MRPL19: variants seen among roughly 807,000 people sequenced by gnomAD.
MRPL19 encodes the protein mitochondrial ribosomal protein L19.
MRPL19 carries 31 observed loss-of-function variants against 34.0 expected under a neutral mutation model. The ratio of observed to expected loss-of-function variants is 0.91; its 90% CI spans 0.68 to 1.23. MRPL19 has a LOEUF of 1.23. Ranked by LOEUF, MRPL19 falls within the 50% of genes most tolerant of loss-of-function variation. The pLI is 0.00. For synonymous variants in MRPL19, 152 were observed against 127.7 expected, an observed-to-expected ratio of 1.19 and a Z score of -1.28; for missense variants, 384 against 367.6, an observed-to-expected ratio of 1.04 and a Z score of -0.37.
At chr2:75,650,343 A>G (rs1461898665) in intron 2 of MRPL19, among the ~76,000 whole-genome samples, 2 of 152,194 alleles carry the variant, frequency 1.3e-5, no homozygotes, top group African/African-American at 2.4e-5. Context: ...GACTTACACA[A>G]TTTTCACATA....
At position 75,657,622 on chromosome 2, in the gene MRPL19, T is replaced by C. The variant is rs570032980; in HGVS notation, c.*2337T>C. On this transcript the variant is annotated 3_prime_UTR_variant, in exon 6 of 6. Transcript: ENST00000393909. ...TTGTTAGAAGATAGCTATTAAAACCTGTTCTTTTTCTGTCTTGATAAACAC... is the reference window on the plus strand; with the variant it reads ...TTGTTAGAAGATAGCTATTAAAACCCGTTCTTTTTCTGTCTTGATAAACAC... 6.6e-6 allele frequency: 1 copy of C among 152,294 alleles called. No homozygotes were observed. Among genetic ancestry groups the C allele is most frequent in the East Asian group, 1.9e-4 (1 of 5,178 alleles). 9.4% of individuals were successfully genotyped at this position (152,294 alleles called of 1,614,324 possible). A position where few individuals can be genotyped will look rare whatever the true frequency, so the allele number is the denominator to read the frequency against.
In MRPL19 at chr2:75,657,671, G is replaced by A. The variant is rs1336162876; in HGVS notation, c.*2386G>A. 6.6e-6 allele frequency: 1 copy of A among 152,098 alleles called. No individual in the cohort carries two copies. The highest frequency in any genetic ancestry group is 1.9e-4 in the East Asian group (1 of 5,186). The allele number at this position is 152,098 out of a possible 1,614,324, so 9.4% of individuals were successfully genotyped here. On this transcript the variant is annotated 3_prime_UTR_variant, in exon 6 of 6. Coordinates refer to ENST00000393909, the MANE Select transcript of MRPL19 (RefSeq NM_014763.4). ...ACACTTCAATCTTGGTAGAATGGTA[G>A]ATGGGACAGTATATTTTAGGACCTA... is the stretch of plus-strand genomic sequence containing the variant.
Position 75,655,273 on chromosome 2 carries a change from G to T in MRPL19, c.867G>T (p.Ser289=), listed in dbSNP as rs17689863. The T allele has an allele frequency of 1.9e-6, 3 of 1,611,608 alleles. No homozygotes were observed. The African/African-American group carries it at 4.0e-5, about 22-fold the overall frequency. The change falls in exon 6 of 6, where the codon TCG becomes TCT. Residue 289 remains serine, a synonymous_variant. Coordinates refer to ENST00000393909, the MANE Select transcript of MRPL19 (RefSeq NM_014763.4). ...CAATATGGAAGGAAATTGAAGCGTC[G>T]AAAAGGTCTTGATTCTGAGAATGAA... ...EAAIWKEIEA[S]KRS
Position 75,654,880 on chromosome 2 carries a change from T to G in MRPL19, c.620T>G (p.Val207Gly). The change falls in exon 5 of 6, where the codon GTA becomes GGA. Residue 207 changes from valine (V) to glycine (G), a missense_variant. Coordinates refer to ENST00000393909, the MANE Select transcript of MRPL19 (RefSeq NM_014763.4). ...YSTFDVNMKPVVQEPNQKVPV... is the reference protein window; with the variant it reads ...YSTFDVNMKPGVQEPNQKVPV... ...ACTTTTGATGTGAATATGAAGCCAG[T>G]AGTACAAGAGCCTAACCAAAAAGTT... 6.2e-7 allele frequency: 1 copy of G among 1,613,744 alleles called. No homozygotes were observed. The highest frequency in any genetic ancestry group is 2.2e-5 in the East Asian group (1 of 44,852).
rs1363782196 is a variant in MRPL19, at chr2:75,656,880, C to A, written c.*1595C>A. 6.6e-6 allele frequency: 1 copy of A among 152,064 alleles called. No homozygotes were observed. Among genetic ancestry groups the A allele is most frequent in the Non-Finnish European group, 1.5e-5 (1 of 68,004 alleles). 9.4% of individuals were successfully genotyped at this position (152,064 alleles called of 1,614,324 possible). A position where few individuals can be genotyped will look rare whatever the true frequency, so the allele number is the denominator to read the frequency against. On this transcript the variant is annotated 3_prime_UTR_variant, in exon 6 of 6. Transcript: ENST00000393909. ...CAACTATTATTTGGATGTTGGATAT[C>A]CAGCACTGGGTATCTATTTTCTTAC...
chr2:75,660,688 C>T lies in MRPL19; in HGVS notation c.*5403C>T, dbSNP rs1395670881. 1.3e-5 allele frequency: 2 copies of T among 152,164 alleles called. No homozygotes were observed. The highest frequency in any genetic ancestry group is 4.8e-5 in the African/African-American group (2 of 41,428). The allele number at this position is 152,164 out of a possible 1,614,324, so 9.4% of individuals were successfully genotyped here. On this transcript the variant is annotated 3_prime_UTR_variant, in exon 6 of 6. Transcript: ENST00000393909. ...TTAAAACTAGCAGAAAAATCTCTCT[C>T]CCAGTCTTTCCAGTCTTTGTAGATT...
chr2:75,654,486 T>G (rs1678394953), intron 4 of MRPL19, among the ~76,000 whole-genome samples: 1 of 152,316 alleles, frequency 6.6e-6, no homozygotes, highest in South Asian at 2.1e-4. Flanking sequence ...ACTCAACATA[T>G]TTCTAGAAGC....
Position 75,656,450 on chromosome 2 carries a change from G to C in MRPL19, c.*1165G>C, listed in dbSNP as rs1283689015. On this transcript the variant is annotated 3_prime_UTR_variant, in exon 6 of 6. Transcript: ENST00000393909. ...ACTAACTTCTTTCCTGCGCTCAGCT[G>C]TTTTCTGGATTCCATGTTTTCCATT... 1 of 152,040 alleles carries C rather than the reference G, an allele frequency of 6.6e-6. No individual in the cohort carries two copies. The highest frequency in any genetic ancestry group is 2.4e-5 in the African/African-American group (1 of 41,398). The allele number at this position is 152,040 out of a possible 1,614,324, so 9.4% of individuals were successfully genotyped here.
chr2:75,659,751 G>A lies in MRPL19; in HGVS notation c.*4466G>A, dbSNP rs113022538. On this transcript the variant is annotated 3_prime_UTR_variant, in exon 6 of 6. Transcript: ENST00000393909. The stretch of plus-strand genomic sequence containing the variant: ...AGATATTAGATGTTATAAAATTTGA[G>A]GATTCCTCATTCTTGATGAGTCAGT... 3.4e-3 allele frequency among the ~76,000 whole-genome samples: 517 copies of A among 152,226 alleles called. 5 individuals are homozygous for A. Among genetic ancestry groups the A allele is most frequent in the African/African-American group, 0.012 (485 of 41,542 alleles).
At position 75,648,345 on chromosome 2, in the gene MRPL19, C is replaced by T. The variant is rs975600562; in HGVS notation, c.221+1126C>T. Among the ~76,000 whole-genome samples, 44 of 152,044 alleles carry T rather than the reference C, an allele frequency of 2.9e-4. 1 individual carries two copies. Among genetic ancestry groups the T allele is most frequent in the Admixed American group, 8.5e-4 (13 of 15,274 alleles). On this transcript the variant is annotated intron_variant, in intron 2 of 5. Coordinates refer to ENST00000393909, the MANE Select transcript of MRPL19 (RefSeq NM_014763.4). ...ACGTGTATGTACAAGGAGACAAGCA[C>T]GAGAATGAATGTAACAGTATTTTTT... is the stretch of plus-strand genomic sequence containing the variant.
Position 75,647,365 on chromosome 2 carries a change from C to T in MRPL19, c.221+146C>T, listed in dbSNP as rs550572160. 10 of 705,244 alleles carry T rather than the reference C, an allele frequency of 1.4e-5. No individual in the cohort carries two copies. The Admixed American group carries it at 2.6e-4, about 18-fold the overall frequency. The allele number at this position is 705,244 out of a possible 1,614,324, so 43.7% of individuals were successfully genotyped here. On this transcript the variant is annotated intron_variant, in intron 2 of 5. Transcript: ENST00000393909. ...AGGATTCAAGAGCCAGCGCACCACA[C>T]TGTTCTTTCTTTCTCACTTCTCCCC...
chr2:75,648,997 A>G (rs542467182), intron 2 of MRPL19, among the ~76,000 whole-genome samples: 84 of 152,370 alleles, frequency 5.5e-4, no homozygotes, highest in Non-Finnish European at 9.8e-4. Flanking sequence ...TAACTTTACC[A>G]GTATTGGTAC....
chr2:75,652,096 C>A, intron 2 of MRPL19, 46 bp from the exon 3 acceptor site: 2 of 1,141,722 alleles, frequency 1.8e-6, no homozygotes, highest in Non-Finnish European at 2.5e-6. Context: ...TTTCTTCTAG[C>A]AGCCTTTTGA....
intron 2 of MRPL19, among the ~76,000 whole-genome samples, chr2:75,649,815 G>A (rs1678295529): frequency 6.6e-6 from 1 of 151,914 alleles, no homozygotes; most frequent in Non-Finnish European, 1.5e-5. Flanking sequence ...TTTTTTTGTT[G>A]TAGAATGAGG....
At position 75,650,678 on chromosome 2, in the gene MRPL19, G is replaced by A. The variant is rs571827756; in HGVS notation, c.222-1464G>A. Among the ~76,000 whole-genome samples the A allele has an allele frequency of 1.5e-4, 23 of 152,246 alleles. No homozygotes were observed. The South Asian group carries it at 4.4e-3, about 29-fold the overall frequency. On this transcript the variant is annotated intron_variant, in intron 2 of 5. Transcript: ENST00000393909. ...CAAGGGTCTCCAGTTAGGAGAATGT[G>A]AAATGCAGGGATGTGAGACTGGCCT... is the stretch of plus-strand genomic sequence containing the variant.
chr2:75,651,937 G>C, intron 2 of MRPL19: 1 of 385,332 alleles, frequency 2.6e-6, no homozygotes, highest in Non-Finnish European at 4.7e-6. Flanking sequence ...GTTTCATAAA[G>C]CTTTTAACAA....
At position 75,646,889 on chromosome 2, in the gene MRPL19, C is replaced by A. The variant is rs11552948; in HGVS notation, c.82C>A (p.Pro28Thr). 1.3e-4 allele frequency: 207 copies of A among 1,594,376 alleles called. No homozygotes were observed. The highest frequency in any genetic ancestry group is 4.5e-4 in the Admixed American group (26 of 57,232). The change falls in exon 1 of 6, where the codon CCG becomes ACG. Residue 28 changes from proline to threonine, a missense_variant. By Grantham distance (38) the Pro-to-Thr change is conservative (BLOSUM62 -1). Transcript: ENST00000393909. ...SFQAARTLLP[P>T]PASIACRVHA... ...CCAAGCCGCCAGGACTCTGCTCCCCCCGCCGGCCTCTATCGCCTGCAGTAA... is the reference window on the plus strand; with the variant it reads ...CCAAGCCGCCAGGACTCTGCTCCCCACGCCGGCCTCTATCGCCTGCAGTAA...
intron 4 of MRPL19, 28 bp from the exon 5 acceptor site, chr2:75,654,708 G>C (rs1205772143): frequency 6.2e-7 from 1 of 1,606,250 alleles, no homozygotes. Context: ...GACTTAGATT[G>C]TAAGAATATG....
In MRPL19 at chr2:75,659,825, T is replaced by C. The variant is rs529611775; in HGVS notation, c.*4540T>C. Among the ~76,000 whole-genome samples, 2 of 152,280 alleles carry C rather than the reference T, an allele frequency of 1.3e-5. No homozygotes were observed. The highest frequency in any genetic ancestry group is 4.8e-5 in the African/African-American group (2 of 41,568). On this transcript the variant is annotated 3_prime_UTR_variant, in exon 6 of 6. Transcript: ENST00000393909. ...TGCTCAGCTTTTGTCTTTTGACAGT[T>C]TGATTATAACGCGGCTCAGTGTGGG...
Sources: gnomAD v4.1 joint callset for allele counts (sites outside exome capture counted in the v4.1 genomes callset) on GRCh38, gnomAD v4.1.1 for gene constraint, MANE v1.5 for transcripts, NCBI Gene and HGNC (gene_info 2026-07-23, HGNC 2026-07-21) for gene names.